The following PTPRD variants were observed in gnomAD, a reference collection of about 807,000 sequenced individuals.
The protein encoded by PTPRD is receptor-type tyrosine-protein phosphatase delta.
A neutral mutation model predicts 214.5 loss-of-function variants in PTPRD; 34 were observed. That is an observed-to-expected ratio of 0.16 (90% CI 0.12 to 0.21). The LOEUF (loss-of-function observed/expected upper bound fraction) is 0.21. Ranked by LOEUF, PTPRD falls within the 10% of genes least tolerant of loss-of-function variation. The pLI is 1.00. For synonymous variants in PTPRD, 1,128 were observed against 845.7 expected, an observed-to-expected ratio of 1.33 and a Z score of -5.79; for missense variants, 2,545 against 2,398.7, an observed-to-expected ratio of 1.06 and a Z score of -1.27.
At chr9:9,673,891 G>C (rs1457612528) in intron 7 of PTPRD, among the ~76,000 whole-genome samples, 1 of 151,596 alleles carries the variant, frequency 6.6e-6, no homozygotes, top group Non-Finnish European at 1.5e-5. Context: ...CATACTTAAA[G>C]TACTCGATAG....
intron 32 of PTPRD, among the ~76,000 whole-genome samples, chr9:8,461,434 G>C (rs1371124962): frequency 2.6e-5 from 4 of 152,036 alleles, no homozygotes; most frequent in African/African-American, 9.6e-5. Flanking sequence ...ATCCCATTTA[G>C]TTCTGTCCTA....
intron 9 of PTPRD, among the ~76,000 whole-genome samples, chr9:9,213,798 G>C (rs1356428982): frequency 6.6e-6 from 1 of 152,028 alleles, no homozygotes; most frequent in Non-Finnish European, 1.5e-5. Context: ...CATTCCTTTT[G>C]ATCAAAATAT....
At chr9:9,879,016 G>C (rs577694782) in intron 5 of PTPRD, among the ~76,000 whole-genome samples, 1 of 152,182 alleles carries the variant, frequency 6.6e-6, no homozygotes, top group East Asian at 1.9e-4. Context: ...CCTCAAAATA[G>C]ATTATTTTAT....
At chr9:8,532,759 C>T (rs902965643) in intron 14 of PTPRD, among the ~76,000 whole-genome samples, 1 of 152,016 alleles carries the variant, frequency 6.6e-6, no homozygotes, top group Non-Finnish European at 1.5e-5. Context: ...CAGATTACTA[C>T]ATACTTGTGC....
chr9:10,573,279 T>C (rs1265873730), intron 2 of PTPRD, among the ~76,000 whole-genome samples: 1 of 152,200 alleles, frequency 6.6e-6, no homozygotes, highest in Non-Finnish European at 1.5e-5. Flanking sequence ...ACACGAATGT[T>C]GAATGTTATT....
At chr9:9,476,527 C>G (rs902517582) in intron 8 of PTPRD, among the ~76,000 whole-genome samples, 1 of 152,128 alleles carries the variant, frequency 6.6e-6, no homozygotes, top group Non-Finnish European at 1.5e-5. Flanking sequence ...GTCTTCTTAG[C>G]TTGACAGAAA....
chr9:8,521,730 GAATT>G (rs1489847294), intron 19 of PTPRD, among the ~76,000 whole-genome samples, 184 bp from the exon 20 acceptor site: 1 of 152,082 alleles, frequency 6.6e-6, no homozygotes, highest in East Asian at 1.9e-4. Context: ...TGTATACACA[GAATT>G]ATTTATTTAG....
At chr9:9,650,894 A>T in intron 7 of PTPRD, among the ~76,000 whole-genome samples, 1 of 152,118 alleles carries the variant, frequency 6.6e-6, no homozygotes, top group East Asian at 1.9e-4. Context: ...AAATATAAAT[A>T]AATGTTACAT....
intron 11 of PTPRD, among the ~76,000 whole-genome samples, chr9:8,743,685 G>C (rs1375044178): frequency 6.6e-6 from 1 of 151,872 alleles, no homozygotes; most frequent in East Asian, 1.9e-4. Context: ...TCTAGACATC[G>C]GCTTAGGCAA....
intron 12 of PTPRD, among the ~76,000 whole-genome samples, chr9:8,670,544 CA>C (rs1485077606): frequency 3.9e-5 from 6 of 152,166 alleles, no homozygotes; most frequent in Non-Finnish European, 8.8e-5. Context: ...ATCTGCTTCA[CA>C]ACAGTAACCA....
At chr9:9,834,652 C>G (rs2056180477) in intron 5 of PTPRD, among the ~76,000 whole-genome samples, 1 of 152,016 alleles carries the variant, frequency 6.6e-6, no homozygotes, top group Non-Finnish European at 1.5e-5. Flanking sequence ...GGGGTCATTT[C>G]TTATTCAAAC....
intron 3 of PTPRD, among the ~76,000 whole-genome samples, chr9:10,191,842 T>G (rs2099364919): frequency 1.3e-5 from 2 of 152,330 alleles, no homozygotes; most frequent in African/African-American, 4.8e-5. Context: ...TTTTCTTTTC[T>G]TCTCTATATG....
chr9:9,631,042 G>C (rs918260575), intron 7 of PTPRD, among the ~76,000 whole-genome samples: 7 of 152,108 alleles, frequency 4.6e-5, no homozygotes, highest in African/African-American at 9.6e-5. Context: ...GCATGACTCT[G>C]TCATTTAAAA....
chr9:10,506,225 T>C (rs2045920483), intron 2 of PTPRD, among the ~76,000 whole-genome samples: 1 of 152,144 alleles, frequency 6.6e-6, no homozygotes, highest in African/African-American at 2.4e-5. Flanking sequence ...AAAAAACATT[T>C]TGAGATAATT....
At chr9:10,018,910 C>G (rs1413834952) in intron 4 of PTPRD, among the ~76,000 whole-genome samples, 1 of 151,940 alleles carries the variant, frequency 6.6e-6, no homozygotes, top group Non-Finnish European at 1.5e-5. Context: ...TATTTTTCTG[C>G]AAAAATATTT....
chr9:10,157,563 AT>A lies in PTPRD; in HGVS notation c.-544-123774del, dbSNP rs918463523. On this transcript the variant is annotated intron_variant, in intron 3 of 45. Transcript: ENST00000381196. ...ACCTTTCTCTCTTACTGCCTTTAAC[AT>A]TTTTTTTCCTTTCATTTTGCCCTTG... Among the ~76,000 whole-genome samples the A allele has an allele frequency of 7.9e-5, 12 of 151,562 alleles. No homozygotes were observed. In the South Asian group the frequency reaches 1.0e-3, roughly 13 times the overall value.
chr9:10,200,279 T>A (rs2099414402), intron 3 of PTPRD, among the ~76,000 whole-genome samples: 1 of 152,146 alleles, frequency 6.6e-6, no homozygotes, highest in South Asian at 2.1e-4. Flanking sequence ...ATAAGCTGAC[T>A]GGTATAACAT....
rs187985416 is a variant in PTPRD at position 8,503,700 on chromosome 9, T to G, written c.1822+561A>C. Among the ~76,000 whole-genome samples, 36 of 152,286 alleles carry G rather than the reference T, an allele frequency of 2.4e-4. 2 individuals carry two copies. In the East Asian group the frequency reaches 5.0e-3, roughly 21 times the overall value. On this transcript the variant is annotated intron_variant, in intron 23 of 45. Coordinates refer to ENST00000381196, the MANE Select transcript of PTPRD (RefSeq NM_002839.4). ...TGCGATTATTCCATTGTTTCTTAAT[T>G]TGTCCACATACAGATTTTCTGTCAA...
At chr9:9,818,427 G>A (rs1020419778) in intron 5 of PTPRD, among the ~76,000 whole-genome samples, 1 of 152,074 alleles carries the variant, frequency 6.6e-6, no homozygotes, top group Non-Finnish European at 1.5e-5. Context: ...TAGATGCTAT[G>A]TTTCCTCTTA....
Sources: allele counts gnomAD v4.1 joint callset (sites outside exome capture counted in the v4.1 genomes callset), GRCh38; gene constraint gnomAD v4.1.1; transcripts MANE v1.5; gene names NCBI Gene and HGNC (gene_info 2026-07-23, HGNC 2026-07-21).